The following SLC25A24 variants were observed in gnomAD, a reference collection of about 807,000 sequenced individuals.
SLC25A24 encodes the protein mitochondrial adenyl nucleotide antiporter SLC25A24.
In SLC25A24, 49 loss-of-function variants were observed where a neutral mutation model predicts 60.7. That is an observed-to-expected ratio of 0.81 (90% CI 0.64 to 1.02). The LOEUF is 1.02. Among genes scored for constraint, SLC25A24 ranks in the 50% least tolerant of loss-of-function variants. The pLI, the probability that SLC25A24 is intolerant of heterozygous loss-of-function variation, is 0.00. For synonymous variants in SLC25A24, 202 were observed against 200.6 expected (o/e 1.01, Z -0.06); for missense variants, 564 against 586.3 (o/e 0.96, Z 0.39).
chr1:108,139,476 C>T (rs1294539633), intron 8 of SLC25A24, among the ~76,000 whole-genome samples: 1 of 152,164 alleles, frequency 6.6e-6, no homozygotes, highest in Non-Finnish European at 1.5e-5. Context: ...ATCTAAAGAA[C>T]ACCTCTTATG....
chr1:108,150,539 C>T (rs1377953763), intron 6 of SLC25A24, among the ~76,000 whole-genome samples: 1 of 152,212 alleles, frequency 6.6e-6, no homozygotes, highest in African/African-American at 2.4e-5. Flanking sequence ...GCTTCCAATA[C>T]CACTTCCTCC....
chr1:108,192,730 C>A, intron 1 of SLC25A24: 1 of 1,405,774 alleles, frequency 7.1e-7, no homozygotes, highest in Non-Finnish European at 9.4e-7. Flanking sequence ...GGGAAGAGGC[C>A]TAAGACAGCA....
At chr1:108,177,270 A>T (rs1282788326) in intron 3 of SLC25A24, among the ~76,000 whole-genome samples, 1 of 152,152 alleles carries the variant, frequency 6.6e-6, no homozygotes, top group Non-Finnish European at 1.5e-5. Context: ...TACACAAAAA[A>T]TAAAAAGCAA....
Position 108,180,620 on chromosome 1 carries a change from CT to C in SLC25A24, c.398+1320del, listed in dbSNP as rs1647886496. 9.1e-4 allele frequency among the ~76,000 whole-genome samples: 120 copies of C among 132,002 alleles called. 4 individuals carry two copies. The highest frequency in any genetic ancestry group is 2.3e-3 in the African/African-American group (82 of 35,574). 86.6% of individuals were successfully genotyped at this position (132,002 alleles called of 152,430 possible). A position where few individuals can be genotyped will look rare whatever the true frequency, so the allele number is the denominator to read the frequency against. On this transcript the variant is annotated intron_variant, in intron 3 of 9. Coordinates refer to ENST00000565488, the MANE Select transcript of SLC25A24 (RefSeq NM_013386.5). Reference sequence around the variant, plus strand: ...ATAATAGAAAGCAAGAGAAAGATCTCTCTCTCTCTCTCTCTCTCTCTCTCTC... The same window carrying C: ...ATAATAGAAAGCAAGAGAAAGATCTCCTCTCTCTCTCTCTCTCTCTCTCTC...
chr1:108,184,711 T>C (rs1648059609), intron 2 of SLC25A24, among the ~76,000 whole-genome samples: 1 of 152,192 alleles, frequency 6.6e-6, no homozygotes, highest in African/African-American at 2.4e-5. Context: ...ATGGCTGCTT[T>C]TGAGGTACAG....
At chr1:108,145,412 T>C (rs1308153857) in intron 7 of SLC25A24, among the ~76,000 whole-genome samples, 1 of 152,190 alleles carries the variant, frequency 6.6e-6, no homozygotes, top group Non-Finnish European at 1.5e-5. Context: ...AGATCTTTAG[T>C]TTAATTAGAT....
intron 4 of SLC25A24, among the ~76,000 whole-genome samples, chr1:108,160,162 G>A (rs879794643): frequency 1.8e-3 from 274 of 152,198 alleles, no homozygotes; most frequent in Admixed American, 5.4e-3. Context: ...TTCCCAGACG[G>A]GGCGGCTGCC....
rs1229498412 is a variant in SLC25A24, at chr1:108,136,286, G to A, written c.*367C>T. 1 of 157,240 alleles carries A rather than the reference G, an allele frequency of 6.4e-6. No homozygotes were observed. The highest frequency in any genetic ancestry group is 3.2e-3 in the Middle Eastern group (1 of 312). 9.7% of individuals were successfully genotyped at this position (157,240 alleles called of 1,614,324 possible). Reference sequence around the variant, plus strand: ...TAAAACAAGAAATTTAAATATAAAGGAACTGGCATAAACGTAAACCACCCG... The same window carrying A: ...TAAAACAAGAAATTTAAATATAAAGAAACTGGCATAAACGTAAACCACCCG... On this transcript the variant is annotated 3_prime_UTR_variant, in exon 10 of 10. Coordinates refer to ENST00000565488, the MANE Select transcript of SLC25A24 (RefSeq NM_013386.5).
intron 6 of SLC25A24, 30 bp downstream of exon 6, chr1:108,154,952 GT>G (rs1488828957): frequency 1.9e-6 from 3 of 1,541,042 alleles, no homozygotes. Context: ...ACTCCTCTTT[GT>G]TAATAAATTC....
At chr1:108,164,727 T>C (rs1680194242) in intron 3 of SLC25A24, among the ~76,000 whole-genome samples, 1 of 141,620 alleles carries the variant, frequency 7.1e-6, no homozygotes, top group Non-Finnish European at 1.6e-5. Context: ...ATTTTGTTGA[T>C]CCTTTCAAAA....
intron 8 of SLC25A24, among the ~76,000 whole-genome samples, chr1:108,140,425 G>A (rs934820116): frequency 3.3e-5 from 5 of 151,882 alleles, no homozygotes; most frequent in African/African-American, 1.2e-4. Flanking sequence ...ATGATAAATA[G>A]CAACACAAAA....
intron 4 of SLC25A24, among the ~76,000 whole-genome samples, chr1:108,158,453 T>C (rs547838601): frequency 2.3e-4 from 35 of 152,176 alleles, no homozygotes; most frequent in Non-Finnish European, 3.7e-4. Context: ...TCAACTGTTA[T>C]CAACTACCTT....
chr1:108,144,196 TG>T (rs1260419610), intron 7 of SLC25A24, among the ~76,000 whole-genome samples: 1 of 152,212 alleles, frequency 6.6e-6, no homozygotes, highest in Non-Finnish European at 1.5e-5. Context: ...TAAAAAAAGC[TG>T]TATTAGCATG....
At chr1:108,149,140 T>C (rs936331477) in intron 6 of SLC25A24, among the ~76,000 whole-genome samples, 1 of 152,194 alleles carries the variant, frequency 6.6e-6, no homozygotes, top group Non-Finnish European at 1.5e-5. Flanking sequence ...ATAAAATGAA[T>C]AAATAGGTGA....
At chr1:108,154,223 G>A (rs572117851) in intron 6 of SLC25A24, among the ~76,000 whole-genome samples, 1 of 151,676 alleles carries the variant, frequency 6.6e-6, no homozygotes, top group Non-Finnish European at 1.5e-5. Flanking sequence ...AAAACTATGG[G>A]GGGGGAGTTG....
At chr1:108,180,616 A>ATCTCTCTCCTC (rs1553256121) in intron 3 of SLC25A24, among the ~76,000 whole-genome samples, 2 of 61,748 alleles carry the variant, frequency 3.2e-5, no homozygotes, top group African/African-American at 1.4e-4. Flanking sequence ...CAAGAGAAAG[A>ATCTCTCTCCTC]TCTCTCTCTC....
intron 1 of SLC25A24, 70 bp from the exon 2 acceptor site, chr1:108,186,024 T>C: frequency 8.2e-7 from 1 of 1,216,588 alleles, no homozygotes; most frequent in Non-Finnish European, 1.1e-6. Flanking sequence ...CTACACATAT[T>C]TCAAGCAGAT....
intron 3 of SLC25A24, among the ~76,000 whole-genome samples, chr1:108,163,001 C>A (rs1481267771): frequency 7.2e-6 from 1 of 138,018 alleles, no homozygotes; most frequent in African/African-American, 2.8e-5. Flanking sequence ...CCAGTTTCAG[C>A]TTTCTACATA....
At chr1:108,187,520 T>C (rs941809826) in intron 1 of SLC25A24, among the ~76,000 whole-genome samples, 9 of 152,160 alleles carry the variant, frequency 5.9e-5, no homozygotes, top group Non-Finnish European at 1.0e-4. Flanking sequence ...TGAAAAGCTT[T>C]ATATCAAAAA....
Sources: allele counts gnomAD v4.1 joint callset (sites outside exome capture counted in the v4.1 genomes callset), GRCh38; gene constraint gnomAD v4.1.1; transcripts MANE v1.5; gene names NCBI Gene and HGNC (gene_info 2026-07-23, HGNC 2026-07-21).